CERS6: variants seen among roughly 807,000 people sequenced by gnomAD.
CERS6 encodes LAG1 homolog, ceramide synthase 6.
In CERS6, 26 loss-of-function variants were observed where a neutral mutation model predicts 56.8. The observed-to-expected ratio is 0.46, with a 90% CI of 0.34 to 0.63. The LOEUF (loss-of-function observed/expected upper bound fraction) is 0.63, where lower values mean the gene tolerates loss of function less well. CERS6 is among the 30% of genes least tolerant of loss of function. The pLI is 0.01. For missense variants in CERS6, 415 were observed against 467.5 expected, an observed-to-expected ratio of 0.89 and a Z score of 1.04; for synonymous variants, 164 against 173.3, an observed-to-expected ratio of 0.95 and a Z score of 0.42.
intron 8 of CERS6, among the ~76,000 whole-genome samples, chr2:168,745,158 A>C (rs1335860628): frequency 6.6e-6 from 1 of 152,260 alleles, no homozygotes; most frequent in Admixed American, 6.5e-5. Context: ...CATTACGAAT[A>C]AAAGTTGATT....
At chr2:168,691,193 G>T in intron 5 of CERS6, 109 bp downstream of exon 5, 1 of 920,554 alleles carries the variant, frequency 1.1e-6, no homozygotes, top group Non-Finnish European at 1.8e-6. Flanking sequence ...CTTCATTTTT[G>T]GCCCCACTCC....
intron 1 of CERS6, among the ~76,000 whole-genome samples, chr2:168,512,484 T>C (rs1397096200): frequency 2.0e-5 from 3 of 152,138 alleles, no homozygotes; most frequent in Non-Finnish European, 4.4e-5. Flanking sequence ...TACTTTATTT[T>C]CCAAACCTAT....
At chr2:168,689,658 G>T (rs1686447386) in intron 4 of CERS6, among the ~76,000 whole-genome samples, 1 of 152,140 alleles carries the variant, frequency 6.6e-6, no homozygotes, top group Non-Finnish European at 1.5e-5. Flanking sequence ...AGACAACTCA[G>T]ACACTGAGGA....
At chr2:168,560,050 A>C (rs1320892911) in intron 2 of CERS6, among the ~76,000 whole-genome samples, 2 of 152,184 alleles carry the variant, frequency 1.3e-5, no homozygotes, top group South Asian at 4.2e-4. Flanking sequence ...TGGACAATTT[A>C]CAACAAGAAG....
intron 3 of CERS6, among the ~76,000 whole-genome samples, chr2:168,625,913 C>T (rs1684580158): frequency 6.6e-6 from 1 of 152,162 alleles, no homozygotes; most frequent in Admixed American, 6.5e-5. Flanking sequence ...AGAGACAGTT[C>T]TCAATTATGC....
At chr2:168,471,922 A>C (rs953910501) in intron 1 of CERS6, among the ~76,000 whole-genome samples, 9 of 152,304 alleles carry the variant, frequency 5.9e-5, no homozygotes, top group African/African-American at 2.2e-4. Context: ...GGTAAAGTTG[A>C]ACATAGTCTT....
At chr2:168,684,732 AT>A (rs376456342) in intron 4 of CERS6, among the ~76,000 whole-genome samples, 88 of 152,330 alleles carry the variant, frequency 5.8e-4, no homozygotes, top group Middle Eastern at 3.4e-3. Flanking sequence ...GTGGAAAAGT[AT>A]TAATAACAAT....
At chr2:168,763,240 C>CT (rs756952701) in intron 8 of CERS6, among the ~76,000 whole-genome samples, 36,385 of 105,874 alleles carry the variant, frequency 0.34, 7,785 homozygotes, top group East Asian at 0.68. Context: ...CTCTCTCTCT[C>CT]TTTTTTTTTT....
chr2:168,756,669 T>C (rs911545364), intron 8 of CERS6, among the ~76,000 whole-genome samples: 4 of 152,136 alleles, frequency 2.6e-5, no homozygotes, highest in African/African-American at 7.2e-5. Flanking sequence ...AACAGAGATA[T>C]TGATGTGTGT....
At chr2:168,714,742 TC>T (rs1687185155) in intron 6 of CERS6, among the ~76,000 whole-genome samples, 1 of 152,192 alleles carries the variant, frequency 6.6e-6, no homozygotes, top group African/African-American at 2.4e-5. Context: ...GAAGTCACCA[TC>T]TATGAACAAG....
intron 4 of CERS6, among the ~76,000 whole-genome samples, chr2:168,671,870 G>A (rs1439362903): frequency 2.6e-5 from 4 of 152,078 alleles, no homozygotes; most frequent in East Asian, 1.9e-4. Context: ...CTATACAGTC[G>A]AAAATATTTT....
At chr2:168,766,609 C>T (rs924510053) in intron 9 of CERS6, among the ~76,000 whole-genome samples, 31 of 152,196 alleles carry the variant, frequency 2.0e-4, no homozygotes, top group African/African-American at 7.5e-4. Flanking sequence ...CCCTCTCTGA[C>T]AGGATGGTGT....
intron 4 of CERS6, among the ~76,000 whole-genome samples, chr2:168,686,114 T>C (rs920033479): frequency 6.8e-6 from 1 of 146,974 alleles, no homozygotes; most frequent in African/African-American, 2.5e-5. Flanking sequence ...AAATTTCTCA[T>C]CGTTCTGGAG....
At chr2:168,518,120 A>G (rs374385727) in intron 1 of CERS6, among the ~76,000 whole-genome samples, 2 of 152,304 alleles carry the variant, frequency 1.3e-5, no homozygotes, top group East Asian at 3.9e-4. Context: ...CTTATTTTTC[A>G]TTGGGAATCT....
At chr2:168,491,953 C>T (rs1021972679) in intron 1 of CERS6, among the ~76,000 whole-genome samples, 1 of 152,154 alleles carries the variant, frequency 6.6e-6, no homozygotes, top group African/African-American at 2.4e-5. Flanking sequence ...ATGAACTTAT[C>T]CTTTTTTATG....
intron 2 of CERS6, among the ~76,000 whole-genome samples, chr2:168,552,683 G>C (rs1277117501): frequency 6.6e-6 from 1 of 152,140 alleles, no homozygotes; most frequent in East Asian, 1.9e-4. Flanking sequence ...GGCAAGAGTG[G>C]AGGAGGGACA....
chr2:168,629,056 A>T (rs1223639159), intron 3 of CERS6, among the ~76,000 whole-genome samples: 1 of 152,206 alleles, frequency 6.6e-6, no homozygotes, highest in Non-Finnish European at 1.5e-5. Context: ...CTTTCTGCAG[A>T]TATTTTGTGG....
intron 4 of CERS6, among the ~76,000 whole-genome samples, chr2:168,655,984 A>T (rs1222588789): frequency 6.6e-6 from 1 of 152,208 alleles, no homozygotes; most frequent in Non-Finnish European, 1.5e-5. Flanking sequence ...AACCTCAAAT[A>T]TTACATGATA....
chr2:168,653,694 T>C (rs140120401), intron 4 of CERS6, among the ~76,000 whole-genome samples: 29 of 152,328 alleles, frequency 1.9e-4, no homozygotes, highest in African/African-American at 7.0e-4. Flanking sequence ...ACATCTCTTG[T>C]ATGGACTGCT....
Sources: gnomAD v4.1 joint callset for allele counts (sites outside exome capture counted in the v4.1 genomes callset) on GRCh38, gnomAD v4.1.1 for gene constraint, MANE v1.5 for transcripts, NCBI Gene and HGNC (gene_info 2026-07-23, HGNC 2026-07-21) for gene names.